Variants in NXPH1 observed in about 807,000 individuals in gnomAD.
NXPH1 encodes neurexophilin-1.
NXPH1 carries 5 observed loss-of-function variants against 23.7 expected under a neutral mutation model. The ratio of observed to expected loss-of-function variants is 0.21; its 90% CI spans 0.11 to 0.44. The LOEUF is 0.44. NXPH1 is among the 20% of genes least tolerant of loss of function. The pLI, the probability that NXPH1 is intolerant of heterozygous loss-of-function variation, is 0.99. For synonymous variants in NXPH1, 144 were observed against 122.2 expected (o/e 1.18, Z -1.18); for missense variants, 324 against 321.6 (o/e 1.01, Z -0.06).
At chr7:8,663,072 G>A (rs1458469813) in intron 2 of NXPH1, among the ~76,000 whole-genome samples, 1 of 152,086 alleles carries the variant, frequency 6.6e-6, no homozygotes, top group Non-Finnish European at 1.5e-5. Flanking sequence ...CTTGCCTACA[G>A]AGGATTGATG....
chr7:8,639,482 C>T (rs1820272801), intron 2 of NXPH1, among the ~76,000 whole-genome samples: 1 of 151,936 alleles, frequency 6.6e-6, no homozygotes, highest in Non-Finnish European at 1.5e-5. Context: ...AAGGCTGTTT[C>T]TCTATATACT....
intron 2 of NXPH1, among the ~76,000 whole-genome samples, chr7:8,477,371 T>A (rs148560354): frequency 1.4e-3 from 209 of 152,174 alleles, no homozygotes; most frequent in African/African-American, 4.7e-3. Context: ...AGAGTGCAGG[T>A]GATTGATGGC....
At chr7:8,513,679 G>C (rs1463541104) in intron 2 of NXPH1, among the ~76,000 whole-genome samples, 1 of 152,052 alleles carries the variant, frequency 6.6e-6, no homozygotes, top group Non-Finnish European at 1.5e-5. Flanking sequence ...TTAGAGATAG[G>C]ATGAAAAAGG....
At chr7:8,536,513 C>A (rs1337873940) in intron 2 of NXPH1, among the ~76,000 whole-genome samples, 1 of 151,916 alleles carries the variant, frequency 6.6e-6, no homozygotes, top group Non-Finnish European at 1.5e-5. Flanking sequence ...TGGTAGCTGA[C>A]AAGCTAGTTG....
intron 2 of NXPH1, among the ~76,000 whole-genome samples, chr7:8,641,000 A>G (rs995043592): frequency 9.2e-5 from 14 of 152,266 alleles, no homozygotes; most frequent in African/African-American, 3.4e-4. Flanking sequence ...TGTTATTTAT[A>G]TTAGGCTGAA....
At chr7:8,689,705 A>G (rs2115182594) in intron 2 of NXPH1, among the ~76,000 whole-genome samples, 1 of 152,294 alleles carries the variant, frequency 6.6e-6, no homozygotes, top group Admixed American at 6.5e-5. Context: ...GGACAAACTC[A>G]GTCAGAAAGG....
intron 2 of NXPH1, among the ~76,000 whole-genome samples, chr7:8,620,900 C>T (rs1304589790): frequency 6.6e-6 from 1 of 152,142 alleles, no homozygotes; most frequent in Non-Finnish European, 1.5e-5. Flanking sequence ...TTTTTCTTCT[C>T]CCTTTGAAAA....
intron 2 of NXPH1, among the ~76,000 whole-genome samples, chr7:8,675,668 AGAGT>A (rs1227077769): frequency 6.6e-6 from 1 of 152,160 alleles, no homozygotes; most frequent in Admixed American, 6.5e-5. Flanking sequence ...TCGGACAGAT[AGAGT>A]GATGATGGTT....
At chr7:8,727,653 T>A (rs940155607) in intron 2 of NXPH1, among the ~76,000 whole-genome samples, 3 of 152,182 alleles carry the variant, frequency 2.0e-5, no homozygotes. Context: ...GTTGTAGATA[T>A]GCGGCATTAT....
At chr7:8,685,715 A>G (rs574721848) in intron 2 of NXPH1, among the ~76,000 whole-genome samples, 4 of 152,212 alleles carry the variant, frequency 2.6e-5, no homozygotes, top group African/African-American at 9.6e-5. Context: ...ACTAATTTAC[A>G]TTCCCACCAA....
chr7:8,751,486 T>C lies in NXPH1; in HGVS notation c.533T>C (p.Leu178Ser). ...CCTACAAAAATCGTGGAATTTGACTTGGCACAACAAACCGTGATTGATGCC... is the reference window on the plus strand; with the variant it reads ...CCTACAAAAATCGTGGAATTTGACTCGGCACAACAAACCGTGATTGATGCC... ...VPPTKIVEFD[L>S]AQQTVIDAKD... is the part of the protein sequence containing the mutation. The change falls in exon 3 of 3, where the codon TTG (leucine) becomes TCG (serine). Residue 178 changes from leucine to serine, a missense_variant. Physicochemically the swap from Leu to Ser is moderately radical, Grantham distance 145. Coordinates refer to ENST00000405863, the MANE Select transcript of NXPH1 (RefSeq NM_152745.3). This position sits in a 1 kb window ranked among gnomAD's most constrained non-coding sequence, Gnocchi z 4.5. 6.2e-7 allele frequency: 1 copy of C among 1,613,796 alleles called. No individual in the cohort carries two copies. Among genetic ancestry groups the C allele is most frequent in the Non-Finnish European group, 8.5e-7 (1 of 1,179,842 alleles).
chr7:8,448,841 A>G (rs993064773), intron 2 of NXPH1, among the ~76,000 whole-genome samples: 14 of 140,150 alleles, frequency 1.0e-4, no homozygotes, highest in African/African-American at 3.7e-4. Context: ...AAAAAAAAAA[A>G]GGACATTTCT....
chr7:8,524,197 G>A (rs1246250674), intron 2 of NXPH1, among the ~76,000 whole-genome samples: 2 of 138,082 alleles, frequency 1.4e-5, no homozygotes, highest in African/African-American at 2.8e-5. Flanking sequence ...AGTGGAGATC[G>A]TGCCATTGCA....
chr7:8,661,136 T>C (rs1820663768), intron 2 of NXPH1, among the ~76,000 whole-genome samples: 1 of 152,190 alleles, frequency 6.6e-6, no homozygotes, highest in Non-Finnish European at 1.5e-5. Flanking sequence ...ACTGGGAATA[T>C]TGAGGTGTCT....
intron 2 of NXPH1, among the ~76,000 whole-genome samples, chr7:8,456,948 C>G (rs981061037): frequency 6.6e-6 from 1 of 152,148 alleles, no homozygotes; most frequent in Non-Finnish European, 1.5e-5. Flanking sequence ...AACTCTCTAT[C>G]CTTCTTAGAT....
chr7:8,596,387 G>C (rs1384646833), intron 2 of NXPH1, among the ~76,000 whole-genome samples: 1 of 152,116 alleles, frequency 6.6e-6, no homozygotes, highest in Non-Finnish European at 1.5e-5. Context: ...AAGACATTTA[G>C]TTATTAGGGC....
intron 2 of NXPH1, among the ~76,000 whole-genome samples, chr7:8,475,409 G>T (rs1461744226): frequency 6.6e-6 from 1 of 152,062 alleles, no homozygotes; most frequent in African/African-American, 2.4e-5. Flanking sequence ...GGAAAATTTG[G>T]TATTAGGTAT....
At chr7:8,583,908 T>C (rs1392227995) in intron 2 of NXPH1, among the ~76,000 whole-genome samples, 1 of 152,158 alleles carries the variant, frequency 6.6e-6, no homozygotes, top group African/African-American at 2.4e-5. Context: ...TGTAAAGTGG[T>C]GGTCAAGCTT....
At chr7:8,665,419 T>A (rs1443417198) in intron 2 of NXPH1, among the ~76,000 whole-genome samples, 1 of 151,998 alleles carries the variant, frequency 6.6e-6, no homozygotes, top group Non-Finnish European at 1.5e-5. Context: ...TTAATATAAT[T>A]TTGTAGCATA....
Sources: gnomAD v4.1 joint callset for allele counts (sites outside exome capture counted in the v4.1 genomes callset) on GRCh38, gnomAD v4.1.1 for gene constraint, Gnocchi (gnomAD v3.1) non-coding constraint, MANE v1.5 for transcripts, NCBI Gene and HGNC (gene_info 2026-07-23, HGNC 2026-07-21) for gene names.